Variants in PREX2 observed in about 807,000 individuals in gnomAD.
PREX2 encodes phosphatidylinositol 3,4,5-trisphosphate-dependent Rac exchanger 2 protein.
PREX2 carries 107 observed loss-of-function variants against 203.2 expected under a neutral mutation model. The observed-to-expected ratio is 0.53, with a 90% CI of 0.45 to 0.62. The LOEUF is 0.62. PREX2 is among the 20% of genes least tolerant of loss of function. The pLI, the probability that PREX2 is intolerant of heterozygous loss-of-function variation, is 0.00. For synonymous variants in PREX2, 672 were observed against 663.6 expected (o/e 1.01, Z -0.19); for missense variants, 1,777 against 1,955.9 (o/e 0.91, Z 1.72).
chr8:68,043,967 A>C (rs775879309), intron 7 of PREX2, among the ~76,000 whole-genome samples: 1 of 152,116 alleles, frequency 6.6e-6, no homozygotes, highest in South Asian at 2.1e-4. Context: ...CTTGTTCAAC[A>C]AGTATACAGT....
At chr8:68,036,221 A>G (rs750438956) in intron 6 of PREX2, among the ~76,000 whole-genome samples, 3 of 152,202 alleles carry the variant, frequency 2.0e-5, no homozygotes, top group African/African-American at 4.8e-5. Context: ...TAGCGGTTTG[A>G]TTGATTGTAG....
At chr8:68,086,232 C>T (rs1219448581) in intron 18 of PREX2, among the ~76,000 whole-genome samples, 16 of 152,178 alleles carry the variant, frequency 1.1e-4, no homozygotes, top group African/African-American at 3.1e-4. Context: ...TCAAGTTTTC[C>T]GAGAGCAGAA....
chr8:68,062,357 T>C (rs775089071), intron 11 of PREX2, among the ~76,000 whole-genome samples: 19 of 152,216 alleles, frequency 1.2e-4, no homozygotes, highest in Non-Finnish European at 2.4e-4. Context: ...AACCATCTAA[T>C]TGCTTACAAT....
chr8:68,036,165 G>A (rs552610734), intron 6 of PREX2, among the ~76,000 whole-genome samples: 1 of 152,244 alleles, frequency 6.6e-6, no homozygotes, highest in East Asian at 1.9e-4. Context: ...ATTTGGACAG[G>A]TGATTCAAAA....
intron 18 of PREX2, among the ~76,000 whole-genome samples, chr8:68,085,477 T>C (rs530044221): frequency 6.6e-6 from 1 of 152,308 alleles, no homozygotes; most frequent in South Asian, 2.1e-4. Flanking sequence ...TATCCCATTT[T>C]GAGGAAAAGG....
rs1808662753 is a variant in PREX2, at chr8:68,055,866, T to C, written c.1130T>C (p.Met377Thr). ...GGAATGGAGCAAGATACCTGGGTCA[T>C]GATCTCTGAACAGGGTGAGAAACTT... The part of the protein sequence containing the change: ...KLGMEQDTWV[M>T]ISEQGEKLYK... Residue 377 changes from methionine (M) to threonine (T), a missense_variant, in exon 10 of 40, where the codon ATG (methionine) becomes ACG (threonine). Physicochemically the swap from Met to Thr is moderately conservative, Grantham distance 81. Coordinates refer to ENST00000288368, the MANE Select transcript of PREX2 (RefSeq NM_024870.4). The C allele has an allele frequency of 6.2e-7, 1 of 1,613,418 alleles. No individual in the cohort carries two copies. The highest frequency in any genetic ancestry group is 1.3e-5 in the African/African-American group (1 of 74,870).
At chr8:68,127,348 A>G in intron 30 of PREX2, 30 bp from the exon 31 acceptor site, 1 of 1,556,544 alleles carries the variant, frequency 6.4e-7, no homozygotes, top group Non-Finnish European at 8.8e-7. Flanking sequence ...AAGAGTGAAC[A>G]ATTAACTGAT....
intron 30 of PREX2, among the ~76,000 whole-genome samples, chr8:68,124,612 A>T (rs1161753917): frequency 1.3e-5 from 2 of 152,098 alleles, no homozygotes; most frequent in African/African-American, 4.8e-5. Flanking sequence ...CTATATAAGA[A>T]ACCTGCACAT....
chr8:68,073,446 A>G (rs1809257439), intron 14 of PREX2, among the ~76,000 whole-genome samples: 1 of 152,098 alleles, frequency 6.6e-6, no homozygotes, highest in East Asian at 1.9e-4. Flanking sequence ...AGTTTGTCAT[A>G]AAATGTTTAT....
Position 68,138,437 on chromosome 8 carries a change from A to G in PREX2, c.4007A>G (p.Glu1336Gly). The G allele has an allele frequency of 6.3e-7, 1 of 1,598,460 alleles. No individual in the cohort carries two copies. Among genetic ancestry groups the G allele is most frequent in the Non-Finnish European group, 8.5e-7 (1 of 1,170,058 alleles). Residue 1336 changes from glutamate (E) to glycine (G), a missense_variant, in exon 33 of 40, where the codon GAA (glutamate) becomes GGA (glycine). By Grantham distance (98) the Glu-to-Gly change is moderately conservative. Coordinates refer to ENST00000288368, the MANE Select transcript of PREX2 (RefSeq NM_024870.4). ...TAGACAGATGAACAAGCCATGTTAG[A>G]AGATACACTGGTTGCACTATTTGAT... ...PNLTDEQAML[E>G]DTLVALFDLE... is the part of the protein sequence containing the mutation.
chr8:68,198,141 G>A (rs1812435284), intron 37 of PREX2, among the ~76,000 whole-genome samples: 1 of 152,160 alleles, frequency 6.6e-6, no homozygotes, highest in Non-Finnish European at 1.5e-5. Flanking sequence ...GGAATAGATA[G>A]TTGTGAGGCA....
intron 20 of PREX2, among the ~76,000 whole-genome samples, chr8:68,093,390 CAAA>C (rs56001927): frequency 1.6e-3 from 131 of 81,484 alleles, no homozygotes; most frequent in African/African-American, 4.1e-3. Context: ...AACTCCATCT[CAAA>C]AAAAAAAAAA....
chr8:68,186,683 T>G (rs918649070), intron 35 of PREX2, among the ~76,000 whole-genome samples: 3 of 152,066 alleles, frequency 2.0e-5, no homozygotes, highest in African/African-American at 7.2e-5. Context: ...CTAGCTAATT[T>G]TCGTATTTTT....
intron 21 of PREX2, among the ~76,000 whole-genome samples, chr8:68,095,267 C>T (rs993336279): frequency 6.6e-6 from 1 of 152,086 alleles, no homozygotes. Context: ...TCTCCCCTCC[C>T]CAGAGGTCCA....
At chr8:68,189,350 G>C (rs891556856) in intron 35 of PREX2, among the ~76,000 whole-genome samples, 5 of 152,126 alleles carry the variant, frequency 3.3e-5, no homozygotes, top group African/African-American at 1.2e-4. Flanking sequence ...ATCAGGGCCT[G>C]TAAGGTCCTG....
At chr8:67,952,602 C>T in intron 1 of PREX2, 67 bp downstream of exon 1, 3 of 1,559,820 alleles carry the variant, frequency 1.9e-6, no homozygotes, top group African/African-American at 1.4e-5. Context: ...GGAGTGGCTG[C>T]GGGAAGGACG....
At chr8:68,052,549 G>A (rs902211152) in intron 8 of PREX2, among the ~76,000 whole-genome samples, 15 of 152,132 alleles carry the variant, frequency 9.9e-5, no homozygotes, top group African/African-American at 2.9e-4. Context: ...GACAATCTAC[G>A]ATGATAATGC....
chr8:67,998,028 A>C (rs1419722669), intron 1 of PREX2, among the ~76,000 whole-genome samples: 2 of 152,154 alleles, frequency 1.3e-5, no homozygotes, highest in Admixed American at 6.5e-5. Flanking sequence ...AGCAGGACTT[A>C]CCCTTCTGCT....
chr8:68,085,716 C>G (rs16934160), intron 18 of PREX2, among the ~76,000 whole-genome samples: 32,929 of 151,968 alleles, frequency 0.22, 3,852 homozygotes, highest in African/African-American at 0.31. Flanking sequence ...TACTAAGGGG[C>G]TTCCAACATT....
Sources: gnomAD v4.1 joint callset for allele counts (sites outside exome capture counted in the v4.1 genomes callset) on GRCh38, gnomAD v4.1.1 for gene constraint, MANE v1.5 for transcripts, NCBI Gene and HGNC (gene_info 2026-07-23, HGNC 2026-07-21) for gene names.